The following LRRC39 variants were observed in gnomAD, a reference collection of about 807,000 sequenced individuals.
LRRC39 encodes the protein leucine-rich repeat-containing protein 39.
A neutral mutation model predicts 39.7 loss-of-function variants in LRRC39; 35 were observed. The observed-to-expected ratio is 0.88, with a 90% CI of 0.67 to 1.17. LRRC39 has a LOEUF of 1.17. Among genes scored for constraint, LRRC39 ranks in the 50% most tolerant of loss-of-function variants. The probability of loss-of-function intolerance (pLI) is 0.00; values close to 1 mark genes in which losing one functional copy is unlikely to be tolerated. For missense variants in LRRC39, 357 were observed against 385.8 expected (o/e 0.93, Z 0.62); for synonymous variants, 113 against 134.1 (o/e 0.84, Z 1.09).
chr1:100,157,580 C>T lies in LRRC39; in HGVS notation c.513+651G>A, dbSNP rs28408587. ...ATATACTGTGTTTTATTTGCAAGAG[C>T]GACAATTGTTGGTGACAAGTTTGCT... is the stretch of plus-strand genomic sequence containing the variant. On this transcript the variant is annotated intron_variant, in intron 6 of 9. Coordinates refer to ENST00000370137, the MANE Select transcript of LRRC39 (RefSeq NM_144620.4). 6.6e-5 allele frequency among the ~76,000 whole-genome samples: 10 copies of T among 152,102 alleles called. No homozygotes were observed. The East Asian group carries it at 9.7e-4, about 15-fold the overall frequency.
At chr1:100,178,719 T>A (rs1330439636), upstream of LRRC39, among the ~76,000 whole-genome samples, 6 of 152,344 alleles carry the variant, frequency 3.9e-5, no homozygotes, top group South Asian at 4.1e-4. Flanking sequence ...CTTTCATAGA[T>A]AGGACTTAAT....
rs1047981834 is a variant in LRRC39 at position 100,156,376 on chromosome 1, C to T, written c.514-59G>A. 4.1e-6 allele frequency: 6 copies of T among 1,478,136 alleles called. No individual in the cohort carries two copies. In the African/African-American group the frequency reaches 5.6e-5, roughly 14 times the overall value. The allele number at this position is 1,478,136 out of a possible 1,614,324, so 91.6% of individuals were successfully genotyped here. On this transcript the variant is annotated intron_variant, in intron 6 of 9. Coordinates refer to ENST00000370137, the MANE Select transcript of LRRC39 (RefSeq NM_144620.4). The stretch of plus-strand genomic sequence containing the variant: ...GTCCACAATGTAAACTACTAAAAGA[C>T]TCACATTGGTAAAGGAGATATTTCA...
At chr1:100,153,391 A>G (rs1009908747) in intron 8 of LRRC39, among the ~76,000 whole-genome samples, 2 of 152,234 alleles carry the variant, frequency 1.3e-5, no homozygotes, top group Non-Finnish European at 2.9e-5. Context: ...ACATTGGCCT[A>G]GGCAAAGAAT....
At chr1:100,161,783 A>T (rs752291135) in intron 3 of LRRC39, among the ~76,000 whole-genome samples, 4 of 152,106 alleles carry the variant, frequency 2.6e-5, no homozygotes, top group Non-Finnish European at 5.9e-5. Flanking sequence ...AGTAGCTGGG[A>T]CTACAGGCAT....
At chr1:100,153,581 G>T (rs77609175) in intron 8 of LRRC39, among the ~76,000 whole-genome samples, 5,006 of 151,908 alleles carry the variant, frequency 0.033, 167 homozygotes, top group East Asian at 0.11. Flanking sequence ...AATCTACAAA[G>T]AACTCAACAA....
At chr1:100,161,273 C>G (rs542464451) in intron 3 of LRRC39, among the ~76,000 whole-genome samples, 216 of 152,270 alleles carry the variant, frequency 1.4e-3, no homozygotes, top group African/African-American at 4.9e-3. Flanking sequence ...CCTCTCATAC[C>G]TCTTGGTAAT....
intron 9 of LRRC39, among the ~76,000 whole-genome samples, chr1:100,151,264 A>C (rs570371725): frequency 1.3e-5 from 2 of 152,222 alleles, no homozygotes; most frequent in Non-Finnish European, 2.9e-5. Flanking sequence ...TTGCCCTCTA[A>C]ACCAAAAACA....
At chr1:100,155,396 C>T (rs903274476) in intron 7 of LRRC39, among the ~76,000 whole-genome samples, 193 bp from the exon 8 acceptor site, 4 of 152,116 alleles carry the variant, frequency 2.6e-5, no homozygotes, top group African/African-American at 9.7e-5. Context: ...CTGCACCCAG[C>T]CTTTGGTTCT....
intron 1 of LRRC39, among the ~76,000 whole-genome samples, 194 bp downstream of exon 1, chr1:100,177,941 A>G (rs1660069621): frequency 6.6e-6 from 1 of 152,224 alleles, no homozygotes; most frequent in South Asian, 2.1e-4. Flanking sequence ...TTCTGGGGAA[A>G]TCTATCTTCC....
At chr1:100,165,159 A>G (rs907457303) in intron 3 of LRRC39, among the ~76,000 whole-genome samples, 3 of 152,188 alleles carry the variant, frequency 2.0e-5, no homozygotes, top group African/African-American at 7.2e-5. Context: ...AGATTAAGGG[A>G]AAGGTGCTTT....
intron 6 of LRRC39, among the ~76,000 whole-genome samples, chr1:100,157,433 CCT>C (rs1163728424): frequency 6.6e-6 from 1 of 152,186 alleles, no homozygotes; most frequent in Non-Finnish European, 1.5e-5. Flanking sequence ...GTCCATTAAA[CCT>C]CTTTTTCTTT....
At chr1:100,156,022 A>G (rs1658419039) in intron 7 of LRRC39, 150 bp downstream of exon 7, 2 of 725,820 alleles carry the variant, frequency 2.8e-6, no homozygotes, top group Admixed American at 3.8e-5. Context: ...TACTTGGAAC[A>G]AATGAAAATA....
intron 6 of LRRC39, among the ~76,000 whole-genome samples, chr1:100,157,455 C>G (rs1473748713): frequency 1.3e-5 from 2 of 152,062 alleles, no homozygotes; most frequent in Non-Finnish European, 2.9e-5. Flanking sequence ...TATTAGTTAC[C>G]CAGTCTTGAG....
At position 100,148,610 on chromosome 1, in the gene LRRC39, G is replaced by C. The variant is rs1557917479; in HGVS notation, c.*432C>G. On this transcript the variant is annotated 3_prime_UTR_variant, in exon 10 of 10. Coordinates refer to ENST00000370137, the MANE Select transcript of LRRC39 (RefSeq NM_144620.4). ...AAAATTTTAACAATGTTTTGTGTGT[G>C]TTTATTCAATTTAGGCTTCTTAGTG... 1 of 1,590,002 alleles carries C rather than the reference G, an allele frequency of 6.3e-7. No individual in the cohort carries two copies. The highest frequency in any genetic ancestry group is 2.2e-5 in the East Asian group (1 of 44,710).
chr1:100,159,393 T>C lies in LRRC39; in HGVS notation c.242A>G (p.Lys81Arg). 1 of 1,608,934 alleles carries C rather than the reference T, an allele frequency of 6.2e-7. No homozygotes were observed. Among genetic ancestry groups the C allele is most frequent in the Non-Finnish European group, 8.5e-7 (1 of 1,177,652 alleles). ...TTGCCATTCCTGTAGTTGATTCAGT[T>C]TCAGCAGAGAAGAAGGGAGGGTCTA... Reference protein sequence around the residue: ...EWKTLPSSLLKLNQLQEWQLH... With the variant: ...EWKTLPSSLLRLNQLQEWQLH... The change falls in exon 5 of 10, where the codon AAA becomes AGA. Residue 81 changes from lysine to arginine, a missense_variant. Lys to Arg is a conservative substitution (Grantham distance 26, BLOSUM62 2). Coordinates refer to ENST00000370137, the MANE Select transcript of LRRC39 (RefSeq NM_144620.4).
chr1:100,153,094 AT>A (rs1658178393), intron 8 of LRRC39, among the ~76,000 whole-genome samples: 1 of 152,190 alleles, frequency 6.6e-6, no homozygotes, highest in South Asian at 2.1e-4. Context: ...TAAATATAAA[AT>A]TAGTGCTATG....
intron 8 of LRRC39, 60 bp from the exon 9 acceptor site, chr1:100,152,584 C>G: frequency 6.4e-7 from 1 of 1,554,786 alleles, no homozygotes; most frequent in Non-Finnish European, 8.7e-7. Flanking sequence ...CATTTATTTC[C>G]CTGGAGAAAG....
At chr1:100,149,164 A>G in intron 9 of LRRC39, 67 bp from the exon 10 acceptor site, 1 of 1,555,848 alleles carries the variant, frequency 6.4e-7, no homozygotes, top group South Asian at 1.2e-5. Context: ...TTGGAAATTT[A>G]TCTTCCTTTG....
chr1:100,179,663 G>A (rs748911777), upstream of LRRC39, among the ~76,000 whole-genome samples: 18 of 151,230 alleles, frequency 1.2e-4, no homozygotes, highest in Non-Finnish European at 2.1e-4. Context: ...CTTGAGCCAG[G>A]GAGGTCAAGC....
Sources: allele counts gnomAD v4.1 joint callset (sites outside exome capture counted in the v4.1 genomes callset), GRCh38; gene constraint gnomAD v4.1.1; transcripts MANE v1.5; gene names NCBI Gene and HGNC (gene_info 2026-07-23, HGNC 2026-07-21).